Variants in LRPPRC observed in about 807,000 individuals in gnomAD.
The protein encoded by LRPPRC is leucine rich pentatricopeptide repeat containing, also known as leucine-rich PPR motif-containing protein, mitochondrial.
A neutral mutation model predicts 180.3 loss-of-function variants in LRPPRC; 120 were observed. The observed-to-expected ratio is 0.67, with a 90% confidence interval of 0.57 to 0.77. The LOEUF is 0.77. Among genes scored for constraint, LRPPRC ranks in the 30% least tolerant of loss-of-function variants. LRPPRC has a pLI of 0.00. For synonymous variants in LRPPRC, 723 were observed against 600.0 expected (o/e 1.21, Z -3.00); for missense variants, 2,012 against 1,657.2 (o/e 1.21, Z -3.72).
intron 37 of LRPPRC, 150 bp from the exon 38 acceptor site, chr2:43,888,806 G>A: frequency 4.7e-6 from 3 of 641,252 alleles, no homozygotes; most frequent in Non-Finnish European, 8.5e-6. Context: ...CTCCTTCCTT[G>A]TTTCATGAAA....
chr2:43,911,153 T>G (rs888642807), intron 30 of LRPPRC, among the ~76,000 whole-genome samples: 11 of 149,094 alleles, frequency 7.4e-5, no homozygotes, highest in African/African-American at 2.7e-4. Context: ...GTTCTAGATA[T>G]ATATATATAT....
intron 13 of LRPPRC, among the ~76,000 whole-genome samples, chr2:43,960,265 T>A (rs1321108311): frequency 1.3e-5 from 2 of 152,210 alleles, no homozygotes; most frequent in East Asian, 3.8e-4. Flanking sequence ...CTAAATCACA[T>A]AATCGGTGGC....
intron 14 of LRPPRC, among the ~76,000 whole-genome samples, chr2:43,954,651 T>C (rs1335972015): frequency 6.6e-6 from 1 of 152,212 alleles, no homozygotes; most frequent in Non-Finnish European, 1.5e-5. Context: ...AATGTATATA[T>C]AATATATATG....
At chr2:43,942,061 G>T (rs568856721) in intron 23 of LRPPRC, among the ~76,000 whole-genome samples, 1 of 151,916 alleles carries the variant, frequency 6.6e-6, no homozygotes. Context: ...GTTAACATTT[G>T]AATTCCACAC....
intron 23 of LRPPRC, 77 bp from the exon 24 acceptor site, chr2:43,934,955 G>T: frequency 8.4e-7 from 1 of 1,185,376 alleles, no homozygotes; most frequent in Middle Eastern, 2.3e-4. Context: ...TTAGAGAGAT[G>T]TTTAATGACC....
At chr2:43,888,731 A>G (rs1475359509) in intron 37 of LRPPRC, 75 bp from the exon 38 acceptor site, 3 of 807,844 alleles carry the variant, frequency 3.7e-6, no homozygotes, top group Admixed American at 3.7e-5. Flanking sequence ...AAAATCATAA[A>G]ACACTACCAA....
chr2:43,929,314 T>C (rs893497415), intron 25 of LRPPRC, among the ~76,000 whole-genome samples: 7 of 152,274 alleles, frequency 4.6e-5, no homozygotes, highest in African/African-American at 1.7e-4. Context: ...GGGAATTTTA[T>C]GTACTTCGTT....
intron 1 of LRPPRC, among the ~76,000 whole-genome samples, chr2:43,988,236 CAA>C (rs35197756): frequency 1.2e-3 from 114 of 95,682 alleles, no homozygotes; most frequent in African/African-American, 3.0e-3. Flanking sequence ...GACTCTGTCT[CAA>C]AAAAAAAAAA....
At chr2:43,939,307 A>AAACAAC (rs201718164) in intron 23 of LRPPRC, among the ~76,000 whole-genome samples, 2 of 146,712 alleles carry the variant, frequency 1.4e-5, no homozygotes, top group East Asian at 2.0e-4. Context: ...ATAAAAATAA[A>AAACAAC]AACAACAACA....
At chr2:43,979,692 T>C in intron 3 of LRPPRC, 134 bp downstream of exon 3, 1 of 737,446 alleles carries the variant, frequency 1.4e-6, no homozygotes, top group Non-Finnish European at 2.3e-6. Flanking sequence ...ACCAAATAAA[T>C]ATTATCAAAA....
rs559176918 is a variant in LRPPRC, at chr2:43,995,807, G to A, written c.141C>T (p.Pro47=). Reference sequence around the variant, plus strand: ...AGGGCCTGGGCACTCACCCGGCCACGGGCCCGGCGCGAGCGGCGGGCAGAT... The same window carrying A: ...AGGGCCTGGGCACTCACCCGGCCACAGGCCCGGCGCGAGCGGCGGGCAGAT... The part of the protein sequence containing the change: ...ASYLPAARAG[P]VAGGLLSPAR... The change falls in exon 1 of 38, where the codon CCC becomes CCT. Residue 47 remains proline (P), a synonymous_variant. Coordinates refer to ENST00000260665, the MANE Select transcript of LRPPRC (RefSeq NM_133259.4). 2.2e-6 allele frequency: 3 copies of A among 1,389,126 alleles called. No homozygotes were observed. Among genetic ancestry groups the A allele is most frequent in the Non-Finnish European group, 2.8e-6 (3 of 1,083,496 alleles). 86.1% of individuals were successfully genotyped at this position (1,389,126 alleles called of 1,614,324 possible). A position where few individuals can be genotyped will look rare whatever the true frequency, so the allele number is the denominator to read the frequency against.
intron 19 of LRPPRC, 82 bp downstream of exon 19, chr2:43,947,649 C>CA (rs1672737780): frequency 1.4e-5 from 12 of 880,948 alleles, no homozygotes; most frequent in Non-Finnish European, 2.1e-5. Context: ...TGAGGAATCA[C>CA]TGGTTTTATA....
intron 11 of LRPPRC, among the ~76,000 whole-genome samples, chr2:43,967,553 G>T (rs192145349): frequency 1.4e-4 from 22 of 152,208 alleles, no homozygotes; most frequent in African/African-American, 5.1e-4. Flanking sequence ...AATTAGCCAG[G>T]CATGGTGGCA....
intron 12 of LRPPRC, among the ~76,000 whole-genome samples, chr2:43,961,266 T>C (rs1041518251): frequency 8.5e-5 from 13 of 152,150 alleles, no homozygotes; most frequent in African/African-American, 3.1e-4. Context: ...ATGAGAGAAG[T>C]GTAATTTTTC....
chr2:43,941,789 G>A (rs1333085585), intron 23 of LRPPRC, among the ~76,000 whole-genome samples: 1 of 131,060 alleles, frequency 7.6e-6, no homozygotes, highest in African/African-American at 2.9e-5. Context: ...TATTATGATA[G>A]ATGAAACTGA....
At chr2:43,966,446 T>A (rs1427923146) in intron 11 of LRPPRC, among the ~76,000 whole-genome samples, 1 of 152,016 alleles carries the variant, frequency 6.6e-6, no homozygotes, top group African/African-American at 2.4e-5. Context: ...GTTTCGCTCT[T>A]GTTGTGCAAG....
Position 43,899,621 on chromosome 2 carries a change from T to TC in LRPPRC, c.3570-17_3570-16insG. On this transcript the variant is annotated splice_polypyrimidine_tract_variant and intron_variant, in intron 32 of 37. Transcript: ENST00000260665. ...TATGTTATTACTGTTAAAAGCAAAA[T>TC]AAATTACTTAAAAATTTGCTTTTAT... The TC allele has an allele frequency of 1.3e-6, 2 of 1,582,910 alleles. No individual in the cohort carries two copies. The highest frequency in any genetic ancestry group is 1.7e-6 in the Non-Finnish European group (2 of 1,153,826).
intron 5 of LRPPRC, 35 bp from the exon 6 acceptor site, chr2:43,976,264 AT>A (rs1559045431): frequency 8.7e-7 from 1 of 1,152,780 alleles, no homozygotes; most frequent in South Asian, 1.2e-5. Context: ...CATTGAAAGT[AT>A]TTATAAGAAC....
chr2:43,921,186 G>T lies in LRPPRC; in HGVS notation c.2897-2788C>A, dbSNP rs184640361. Among the ~76,000 whole-genome samples, 60 of 152,304 alleles carry T rather than the reference G, an allele frequency of 3.9e-4. No individual in the cohort carries two copies. In the East Asian group the frequency reaches 0.011, roughly 28 times the overall value. On this transcript the variant is annotated intron_variant, in intron 27 of 37. Coordinates refer to ENST00000260665, the MANE Select transcript of LRPPRC (RefSeq NM_133259.4). ...GCATGCCTATAATCCCAACTACTGG[G>T]GTGGCTGAGGCAGGAGAATCGCTTG... is the stretch of plus-strand genomic sequence containing the variant.
Sources: allele counts gnomAD v4.1 joint callset (sites outside exome capture counted in the v4.1 genomes callset), GRCh38; gene constraint gnomAD v4.1.1; transcripts MANE v1.5; gene names NCBI Gene and HGNC (gene_info 2026-07-23, HGNC 2026-07-21).